The following GAB1 variants were observed in gnomAD, a reference collection of about 807,000 sequenced individuals.
The protein encoded by GAB1 is GRB2 associated binding protein 1.
In GAB1, 19 loss-of-function variants were observed where a neutral mutation model predicts 66.5. That is an observed-to-expected ratio of 0.29 (90% CI 0.20 to 0.42). The LOEUF is 0.42. Among genes scored for constraint, GAB1 ranks in the 10% least tolerant of loss-of-function variants. The pLI, the probability that GAB1 is intolerant of heterozygous loss-of-function variation, is 1.00. For synonymous variants in GAB1, 294 were observed against 301.4 expected, an observed-to-expected ratio of 0.98 and a Z score of 0.25; for missense variants, 732 against 858.5, an observed-to-expected ratio of 0.85 and a Z score of 1.84.
rs1037701311 is a variant in GAB1 at position 143,349,789 on chromosome 4, C to T, written c.72+12529C>T. ...CCCGATAGCAACGAATGCCTTGAAC[C>T]TCGTGCGCTGGCCGGCACGGGTCTG... On this transcript the variant is annotated intron_variant, in intron 1 of 9. Transcript: ENST00000262994. 45 of 1,590,720 alleles carry T rather than the reference C, an allele frequency of 2.8e-5. No homozygotes were observed. In the African/African-American group the frequency reaches 5.5e-4, roughly 19 times the overall value.
chr4:143,360,416 A>G (rs1729617620), intron 1 of GAB1, among the ~76,000 whole-genome samples: 1 of 152,060 alleles, frequency 6.6e-6, no homozygotes, highest in African/African-American at 2.4e-5. Context: ...ACCTGCATTC[A>G]TGGAATTGTT....
chr4:143,340,248 GT>G (rs1728783977), intron 1 of GAB1, among the ~76,000 whole-genome samples: 1 of 152,120 alleles, frequency 6.6e-6, no homozygotes, highest in Non-Finnish European at 1.5e-5. Context: ...AGGAAACATT[GT>G]TGGCCACCCA....
At chr4:143,451,226 G>T (rs2149779635) in intron 6 of GAB1, among the ~76,000 whole-genome samples, 1 of 152,254 alleles carries the variant, frequency 6.6e-6, no homozygotes, top group Non-Finnish European at 1.5e-5. Flanking sequence ...GATGGTAGGG[G>T]AGGGCAGCCT....
intron 6 of GAB1, among the ~76,000 whole-genome samples, chr4:143,448,508 G>T (rs1734700819): frequency 1.3e-5 from 2 of 151,638 alleles, no homozygotes; most frequent in Admixed American, 6.6e-5. Context: ...CTTCTTCCTG[G>T]TTTAGTCTTG....
chr4:143,351,816 C>T (rs1019051229), intron 1 of GAB1, among the ~76,000 whole-genome samples: 2 of 152,206 alleles, frequency 1.3e-5, no homozygotes, highest in Non-Finnish European at 2.9e-5. Context: ...CACTCTATTG[C>T]ACAGATTTAT....
At chr4:143,443,428 A>T (rs1734346576) in intron 6 of GAB1, among the ~76,000 whole-genome samples, 1 of 152,160 alleles carries the variant, frequency 6.6e-6, no homozygotes, top group Non-Finnish European at 1.5e-5. Context: ...GACTTCATAA[A>T]CTCACTTTAC....
chr4:143,448,127 C>G (rs1028189395), intron 6 of GAB1, among the ~76,000 whole-genome samples: 12 of 151,886 alleles, frequency 7.9e-5, no homozygotes, highest in Non-Finnish European at 1.2e-4. Flanking sequence ...GCCTTGCATC[C>G]CAGGGATGAA....
At chr4:143,417,334 G>A (rs952168181) in intron 2 of GAB1, 1 of 341,762 alleles carries the variant, frequency 2.9e-6, no homozygotes, top group Non-Finnish European at 5.7e-6. Flanking sequence ...GCCTATCCTG[G>A]AAAGAGCTGA....
intron 1 of GAB1, among the ~76,000 whole-genome samples, chr4:143,368,910 G>A (rs756683744): frequency 1.2e-3 from 175 of 152,012 alleles, no homozygotes; most frequent in Non-Finnish European, 1.3e-3. Flanking sequence ...TTAGCCTCCC[G>A]AGTAGCTGAG....
At chr4:143,438,810 T>C (rs752664412) in intron 4 of GAB1, among the ~76,000 whole-genome samples, 6 of 152,198 alleles carry the variant, frequency 3.9e-5, no homozygotes, top group Non-Finnish European at 8.8e-5. Context: ...TGAAGAAGTA[T>C]GGCCTTAGTA....
chr4:143,342,652 G>T (rs1318181627), intron 1 of GAB1, among the ~76,000 whole-genome samples: 1 of 146,442 alleles, frequency 6.8e-6, no homozygotes, highest in Non-Finnish European at 1.5e-5. Context: ...CCATCTCCCG[G>T]ATTTAACTGA....
chr4:143,427,094 G>A (rs1215707716), intron 2 of GAB1, among the ~76,000 whole-genome samples: 1 of 152,144 alleles, frequency 6.6e-6, no homozygotes, highest in Non-Finnish European at 1.5e-5. Flanking sequence ...GTACTCTCAG[G>A]AAAGTGAGAG....
chr4:143,401,378 A>G (rs1731764615), intron 1 of GAB1, among the ~76,000 whole-genome samples: 1 of 152,222 alleles, frequency 6.6e-6, no homozygotes, highest in African/African-American at 2.4e-5. Context: ...AGAGGATTAT[A>G]CAGATTTGTT....
At chr4:143,375,473 G>A (rs1013608803) in intron 1 of GAB1, among the ~76,000 whole-genome samples, 6 of 152,138 alleles carry the variant, frequency 3.9e-5, no homozygotes, top group Non-Finnish European at 8.8e-5. Context: ...TCACTAGATG[G>A]TAGCACCTGG....
Position 143,472,747 on chromosome 4 carries a change from A to G in GAB1, c.*3558A>G, listed in dbSNP as rs1385542669. 6.6e-6 allele frequency: 1 copy of G among 152,158 alleles called. No individual in the cohort carries two copies. Among genetic ancestry groups the G allele is most frequent in the African/African-American group, 2.4e-5 (1 of 41,442 alleles). 9.4% of individuals were successfully genotyped at this position (152,158 alleles called of 1,614,324 possible). ...CTTCTCCTCCACTGTCAAGTAAGCA[A>G]TCAGGTCCGTGACAGGGATTGGACA... On this transcript the variant is annotated 3_prime_UTR_variant, in exon 10 of 10. Coordinates refer to ENST00000262994, the MANE Select transcript of GAB1 (RefSeq NM_002039.4).
chr4:143,378,735 G>A (rs976553450), intron 1 of GAB1, among the ~76,000 whole-genome samples: 9 of 148,830 alleles, frequency 6.0e-5, no homozygotes, highest in African/African-American at 2.0e-4. Context: ...CTGAACCACC[G>A]TCTCAAGTTT....
chr4:143,339,705 A>G (rs1728766047), intron 1 of GAB1, among the ~76,000 whole-genome samples: 3 of 152,182 alleles, frequency 2.0e-5, no homozygotes, highest in African/African-American at 4.8e-5. Context: ...GAAAAAGCCA[A>G]CAGTGCAAAG....
Position 143,470,795 on chromosome 4 carries a change from A to C in GAB1, c.*1606A>C, listed in dbSNP as rs1014368466. ...CCCTGATTTCTGGCCCATTGGCCAT[A>C]GTACTGTGCCTAATCAATGTAATAG... On this transcript the variant is annotated 3_prime_UTR_variant, in exon 10 of 10. Coordinates refer to ENST00000262994, the MANE Select transcript of GAB1 (RefSeq NM_002039.4). The C allele has an allele frequency of 6.6e-6, 1 of 152,248 alleles. No individual in the cohort carries two copies. Among genetic ancestry groups the C allele is most frequent in the African/African-American group, 2.4e-5 (1 of 41,470 alleles). The allele number at this position is 152,248 out of a possible 1,614,324, so 9.4% of individuals were successfully genotyped here. A position where few individuals can be genotyped will look rare whatever the true frequency, so the allele number is the denominator to read the frequency against.
At chr4:143,357,811 CT>C (rs1729508172) in intron 1 of GAB1, among the ~76,000 whole-genome samples, 1 of 151,962 alleles carries the variant, frequency 6.6e-6, no homozygotes, top group Non-Finnish European at 1.5e-5. Flanking sequence ...ACCCTAAGGG[CT>C]TTTTCCTTTC....
Sources: allele counts gnomAD v4.1 joint callset (sites outside exome capture counted in the v4.1 genomes callset), GRCh38; gene constraint gnomAD v4.1.1; transcripts MANE v1.5; gene names NCBI Gene and HGNC (gene_info 2026-07-23, HGNC 2026-07-21).